The following POC1B variants were observed in gnomAD, a reference collection of about 807,000 sequenced individuals.
POC1B encodes the protein POC1 centriolar protein B, also known as POC1 centriolar protein homolog B.
In POC1B, 44 loss-of-function variants were observed where a neutral mutation model predicts 60.6. The observed-to-expected ratio is 0.73, with a 90% CI of 0.57 to 0.93. The LOEUF (loss-of-function observed/expected upper bound fraction) is 0.93, where lower values mean the gene tolerates loss of function less well. Ranked by LOEUF, POC1B falls within the 40% of genes least tolerant of loss-of-function variation. The pLI is 0.00. For missense variants in POC1B, 555 were observed against 572.3 expected (o/e 0.97, Z 0.31); for synonymous variants, 180 against 198.9 (o/e 0.90, Z 0.80).
At chr12:89,523,611 C>T (rs1429698156) in intron 2 of POC1B, 1 of 1,555,930 alleles carries the variant, frequency 6.4e-7, no homozygotes, top group South Asian at 1.3e-5. Flanking sequence ...TGACAGCAAA[C>T]AGTCCTCCAG....
At chr12:89,459,407 TAAAAA>T (rs10535587) in intron 10 of POC1B, among the ~76,000 whole-genome samples, 1 of 102,446 alleles carries the variant, frequency 9.8e-6, no homozygotes, top group African/African-American at 3.5e-5. Context: ...ACTTAAAGTA[TAAAAA>T]AAAAAAAAAA....
chr12:89,485,822 C>A (rs541441057), intron 4 of POC1B, among the ~76,000 whole-genome samples: 1 of 152,346 alleles, frequency 6.6e-6, no homozygotes, highest in African/African-American at 2.4e-5. Flanking sequence ...TACTCACCAA[C>A]CTTTCACTGA....
chr12:89,512,951 A>C (rs1173510900), intron 2 of POC1B, among the ~76,000 whole-genome samples: 9 of 152,228 alleles, frequency 5.9e-5, no homozygotes, highest in Admixed American at 5.9e-4. Flanking sequence ...CTCAAAGCAA[A>C]GGGAATTTAT....
chr12:89,466,044 A>G (rs1239847671), intron 9 of POC1B, among the ~76,000 whole-genome samples: 1 of 152,210 alleles, frequency 6.6e-6, no homozygotes, highest in Non-Finnish European at 1.5e-5. Flanking sequence ...CAAAATACCT[A>G]ACTCTAAAAG....
chr12:89,468,791 G>A (rs376776463), intron 7 of POC1B, among the ~76,000 whole-genome samples: 165 of 152,158 alleles, frequency 1.1e-3, no homozygotes, highest in Middle Eastern at 6.8e-3. Context: ...AGGAAGCCAG[G>A]CAGAACCTGT....
chr12:89,468,659 T>G (rs948272899), intron 7 of POC1B, among the ~76,000 whole-genome samples: 2 of 118,184 alleles, frequency 1.7e-5, no homozygotes, highest in African/African-American at 7.0e-5. Context: ...TTTCAATCCT[T>G]GGCCACTTTT....
chr12:89,522,762 T>C, intron 2 of POC1B: 1 of 1,520,952 alleles, frequency 6.6e-7, no homozygotes, highest in South Asian at 1.4e-5. Context: ...CTTAAGGCTC[T>C]TTGACTTTCT....
intron 4 of POC1B, among the ~76,000 whole-genome samples, chr12:89,488,348 A>G (rs967751613): frequency 6.6e-5 from 10 of 152,206 alleles, no homozygotes; most frequent in African/African-American, 2.2e-4. Flanking sequence ...TCAGGGTTAC[A>G]TGGTCTGCCG....
chr12:89,402,899 G>C, the POC1B span, among the ~76,000 whole-genome samples: 2 of 151,926 alleles, frequency 1.3e-5, no homozygotes, highest in African/African-American at 4.8e-5. Context: ...ATTTTTAGTA[G>C]AGACTAAAAA....
chr12:89,426,442 C>T (rs1156371254), intron 10 of POC1B: 2 of 152,146 alleles, frequency 1.3e-5, no homozygotes, highest in African/African-American at 4.8e-5. Flanking sequence ...GAAAGTCCTC[C>T]ATATGGCAAT....
At chr12:89,492,355 G>C (rs1478113795) in intron 3 of POC1B, among the ~76,000 whole-genome samples, 1 of 152,142 alleles carries the variant, frequency 6.6e-6, no homozygotes, top group Non-Finnish European at 1.5e-5. Flanking sequence ...AAAAACAAAA[G>C]ATGGGGAAAA....
intron 4 of POC1B, among the ~76,000 whole-genome samples, chr12:89,474,149 T>C (rs948301916): frequency 9.9e-5 from 15 of 151,718 alleles, no homozygotes; most frequent in African/African-American, 3.4e-4. Flanking sequence ...GAGGTTGCAG[T>C]GAGCCGAGAT....
chr12:89,435,875 T>G (rs943894416), intron 10 of POC1B, among the ~76,000 whole-genome samples: 1 of 151,958 alleles, frequency 6.6e-6, no homozygotes, highest in Non-Finnish European at 1.5e-5. Flanking sequence ...ATATCTTTTC[T>G]CAAACACGCA....
downstream of POC1B, among the ~76,000 whole-genome samples, chr12:89,415,503 C>T (rs1161941008): frequency 6.6e-6 from 1 of 152,034 alleles, no homozygotes; most frequent in Non-Finnish European, 1.5e-5. Context: ...ATTAGCCGGG[C>T]GTGGTAGCGG....
chr12:89,436,457 T>C (rs1881270935), intron 10 of POC1B, among the ~76,000 whole-genome samples: 1 of 152,156 alleles, frequency 6.6e-6, no homozygotes, highest in Non-Finnish European at 1.5e-5. Flanking sequence ...CTCATGCCTG[T>C]AATCCCAGCA....
chr12:89,433,100 T>C (rs1881106127), intron 10 of POC1B, among the ~76,000 whole-genome samples: 1 of 152,190 alleles, frequency 6.6e-6, no homozygotes, highest in Admixed American at 6.5e-5. Flanking sequence ...TGGGGATGAA[T>C]GCTTGATTGG....
intron 2 of POC1B, among the ~76,000 whole-genome samples, chr12:89,504,625 G>C: frequency 6.7e-6 from 1 of 150,126 alleles, no homozygotes; most frequent in East Asian, 1.9e-4. Flanking sequence ...AAAGAAAAAA[G>C]ACATTAACGT....
At chr12:89,483,640 T>C (rs1326611942) in intron 4 of POC1B, among the ~76,000 whole-genome samples, 1 of 152,172 alleles carries the variant, frequency 6.6e-6, no homozygotes, top group Non-Finnish European at 1.5e-5. Context: ...CATGAATTTT[T>C]TGGGAGACAC....
intron 2 of POC1B, among the ~76,000 whole-genome samples, chr12:89,514,421 T>G (rs1163726827): frequency 1.4e-5 from 2 of 141,404 alleles, no homozygotes; most frequent in East Asian, 4.0e-4. Flanking sequence ...TTTTTTTTTT[T>G]TTTTTTAGAC....
Sources: gnomAD v4.1 joint callset for allele counts (sites outside exome capture counted in the v4.1 genomes callset) on GRCh38, gnomAD v4.1.1 for gene constraint, MANE v1.5 for transcripts, NCBI Gene and HGNC (gene_info 2026-07-23, HGNC 2026-07-21) for gene names.